GREB1L: variants seen among roughly 807,000 people sequenced by gnomAD.
GREB1L encodes GREB1 like retinoic acid receptor coactivator.
GREB1L carries 17 observed loss-of-function variants against 200.8 expected under a neutral mutation model. The ratio of observed to expected loss-of-function variants is 0.08; its 90% CI spans 0.06 to 0.13. The LOEUF (loss-of-function observed/expected upper bound fraction) is 0.13. Among genes scored for constraint, GREB1L ranks in the 10% least tolerant of loss-of-function variants. GREB1L has a pLI of 1.00. For missense variants in GREB1L, 1,657 were observed against 2,367.7 expected, an observed-to-expected ratio of 0.70 and a Z score of 6.23; for synonymous variants, 789 against 893.0, an observed-to-expected ratio of 0.88 and a Z score of 2.08.
intron 29 of GREB1L, among the ~76,000 whole-genome samples, 164 bp downstream of exon 29, chr18:21,515,808 A>G (rs567943801): frequency 1.3e-5 from 2 of 152,336 alleles, no homozygotes; most frequent in Admixed American, 1.3e-4. Context: ...GTGCCCCTTT[A>G]TCAGCAAACT....
intron 1 of GREB1L, among the ~76,000 whole-genome samples, chr18:21,329,981 G>T (rs929976822): frequency 1.5e-5 from 2 of 129,862 alleles, no homozygotes; most frequent in Non-Finnish European, 3.3e-5. Context: ...GGGGGGGGGG[G>T]TCTTTATCTT....
chr18:21,335,028 G>T (rs1452050413), intron 1 of GREB1L, among the ~76,000 whole-genome samples: 1 of 152,186 alleles, frequency 6.6e-6, no homozygotes, highest in Non-Finnish European at 1.5e-5. Context: ...CAGTGGAAAA[G>T]AACTTTGGGT....
intron 2 of GREB1L, among the ~76,000 whole-genome samples, chr18:21,377,950 C>G (rs1032306025): frequency 1.3e-5 from 2 of 152,124 alleles, no homozygotes; most frequent in African/African-American, 4.8e-5. Flanking sequence ...TTGCTGGTCT[C>G]AAACTCCTGG....
chr18:21,313,833 G>T (rs1462501448), intron 1 of GREB1L, among the ~76,000 whole-genome samples: 1 of 152,174 alleles, frequency 6.6e-6, no homozygotes, highest in Non-Finnish European at 1.5e-5. Flanking sequence ...TCAGGTTTAT[G>T]TTCTTTCCCA....
intron 23 of GREB1L, among the ~76,000 whole-genome samples, chr18:21,501,248 GT>G (rs1189394790): frequency 1.5e-3 from 217 of 140,942 alleles, no homozygotes; most frequent in East Asian, 2.9e-3. Flanking sequence ...TTTTTGGGCT[GT>G]TTTTTTTTTT....
At chr18:21,315,150 C>T (rs994355198) in intron 1 of GREB1L, among the ~76,000 whole-genome samples, 3 of 152,012 alleles carry the variant, frequency 2.0e-5, no homozygotes, top group Non-Finnish European at 4.4e-5. Flanking sequence ...AGTGTAGTGG[C>T]ATGGTTATGG....
At chr18:21,279,862 T>A (rs1259880212) in intron 1 of GREB1L, among the ~76,000 whole-genome samples, 1 of 152,244 alleles carries the variant, frequency 6.6e-6, no homozygotes, top group Non-Finnish European at 1.5e-5. Context: ...TTTTTTGTTT[T>A]GTTTTTAGTT....
At chr18:21,482,884 A>G (rs1395549751) in intron 17 of GREB1L, among the ~76,000 whole-genome samples, 17 of 152,156 alleles carry the variant, frequency 1.1e-4, no homozygotes, top group Non-Finnish European at 2.4e-4. Flanking sequence ...TAGTGATTCA[A>G]TAAGTCAGAC....
intron 1 of GREB1L, among the ~76,000 whole-genome samples, chr18:21,351,565 T>C (rs2039433201): frequency 6.6e-6 from 1 of 151,098 alleles, no homozygotes; most frequent in Non-Finnish European, 1.5e-5. Context: ...AGAGTGAGAC[T>C]TTGTCTTAAA....
chr18:21,272,960 C>T (rs2038101896), intron 1 of GREB1L, among the ~76,000 whole-genome samples: 2 of 152,318 alleles, frequency 1.3e-5, no homozygotes, highest in South Asian at 4.1e-4. Flanking sequence ...GGCACAGTGG[C>T]TCATGCCTGT....
chr18:21,404,076 T>C, intron 7 of GREB1L, 82 bp downstream of exon 7: 1 of 1,236,124 alleles, frequency 8.1e-7, no homozygotes, highest in Non-Finnish European at 1.1e-6. Flanking sequence ...TACTGCTGGC[T>C]GGTTTGAATA....
intron 1 of GREB1L, among the ~76,000 whole-genome samples, chr18:21,354,440 TA>T (rs1316774948): frequency 6.6e-6 from 1 of 152,106 alleles, no homozygotes; most frequent in Admixed American, 6.6e-5. Flanking sequence ...ACAAGAAGTT[TA>T]AAAAAATAGT....
chr18:21,499,756 C>T lies in GREB1L; in HGVS notation c.3419C>T (p.Ser1140Phe). The change falls in exon 22 of 33, where the codon TCT (serine) becomes TTT (phenylalanine). Residue 1140 changes from serine to phenylalanine, a missense_variant. This residue lies in a region of GREB1L where 512 missense variants were observed against 668.3 expected (regional missense o/e 0.77). Transcript: ENST00000424526. ...SGSIMENGVS[S>F]SSTADKSQKQ... ...TCCATCATGGAGAATGGAGTGAGCT[C>T]TTCCAGCACAGCTGACAAGTCCCAG... 1 of 1,552,056 alleles carries T rather than the reference C, an allele frequency of 6.4e-7. No individual in the cohort carries two copies. The highest frequency in any genetic ancestry group is 1.2e-5 in the South Asian group (1 of 84,060).
At chr18:21,515,686 T>C in intron 29 of GREB1L, 42 bp downstream of exon 29, 1 of 1,370,720 alleles carries the variant, frequency 7.3e-7, no homozygotes, top group Non-Finnish European at 1.0e-6. Flanking sequence ...TGGCATCTAC[T>C]GATTGCTTCT....
chr18:21,284,921 A>G (rs1234918736), intron 1 of GREB1L, among the ~76,000 whole-genome samples: 3 of 151,924 alleles, frequency 2.0e-5, no homozygotes, highest in Non-Finnish European at 4.4e-5. Flanking sequence ...GCATTTCTCT[A>G]ATGGTTAATA....
At chr18:21,516,423 C>T (rs1447534181) in intron 29 of GREB1L, among the ~76,000 whole-genome samples, 190 bp from the exon 30 acceptor site, 1 of 152,178 alleles carries the variant, frequency 6.6e-6, no homozygotes, top group Admixed American at 6.5e-5. Context: ...TCTCACTTTC[C>T]CCTTCCTTGA....
intron 15 of GREB1L, among the ~76,000 whole-genome samples, chr18:21,456,909 G>A (rs182252155): frequency 8.8e-4 from 133 of 151,954 alleles, no homozygotes; most frequent in East Asian, 1.7e-3. Context: ...TTTTCCTTTC[G>A]TAACATGGAG....
chr18:21,274,005 CTT>C (rs2038121665), intron 1 of GREB1L, among the ~76,000 whole-genome samples: 1 of 152,154 alleles, frequency 6.6e-6, no homozygotes, highest in Non-Finnish European at 1.5e-5. Context: ...TAAATACTGT[CTT>C]AGTGCATTTT....
intron 16 of GREB1L, among the ~76,000 whole-genome samples, chr18:21,474,986 G>T (rs1316168977): frequency 6.6e-6 from 1 of 152,132 alleles, no homozygotes; most frequent in Non-Finnish European, 1.5e-5. Flanking sequence ...CACAACACAT[G>T]GGAATTATGG....
Sources: allele counts gnomAD v4.1 joint callset (sites outside exome capture counted in the v4.1 genomes callset), GRCh38; gene constraint gnomAD v4.1.1; regional missense constraint gnomAD v4.1.1; transcripts MANE v1.5; gene names NCBI Gene and HGNC (gene_info 2026-07-23, HGNC 2026-07-21).